The following NOSTRIN variants were observed in gnomAD, a reference collection of about 807,000 sequenced individuals.
NOSTRIN encodes nitric oxide synthase trafficking.
Under a neutral mutation model 59.0 loss-of-function variants are expected in NOSTRIN, and 63 were observed. That is an observed-to-expected ratio of 1.07 (90% CI 0.87 to 1.32). The LOEUF is 1.32. NOSTRIN is among the 40% of genes most tolerant of loss of function. NOSTRIN has a pLI of 0.00. For synonymous variants in NOSTRIN, 200 were observed against 165.4 expected (o/e 1.21, Z -1.61); for missense variants, 512 against 473.1 (o/e 1.08, Z -0.76).
At chr2:168,786,817 C>G (rs1685213906) in intron 1 of NOSTRIN, 2 of 152,134 alleles carry the variant, frequency 1.3e-5, no homozygotes, top group Admixed American at 1.3e-4. Flanking sequence ...CTTATTTTTC[C>G]TCGGTCAAAT....
chr2:168,808,758 C>G (rs1008531292), intron 1 of NOSTRIN, among the ~76,000 whole-genome samples: 2 of 152,080 alleles, frequency 1.3e-5, no homozygotes, highest in Non-Finnish European at 2.9e-5. Flanking sequence ...AGTCTAAACA[C>G]CATTAAAAAG....
At chr2:168,851,249 A>C in intron 9 of NOSTRIN, 30 bp from the exon 10 acceptor site, 1 of 1,613,618 alleles carries the variant, frequency 6.2e-7, no homozygotes, top group South Asian at 1.1e-5. Context: ...TTTCTTCGAC[A>C]ACCTTATTCT....
At chr2:168,837,888 C>CT (rs1335542670) in intron 7 of NOSTRIN, among the ~76,000 whole-genome samples, 1 of 152,120 alleles carries the variant, frequency 6.6e-6, no homozygotes, top group Middle Eastern at 3.2e-3. Context: ...TTTCCTCCTA[C>CT]TTTCTGTAAA....
intron 14 of NOSTRIN, among the ~76,000 whole-genome samples, 186 bp downstream of exon 14, chr2:168,861,095 A>G (rs1403916755): frequency 6.6e-6 from 1 of 152,234 alleles, no homozygotes; most frequent in Non-Finnish European, 1.5e-5. Flanking sequence ...TAAGAAGAGT[A>G]GAGGGTTGGG....
intron 15 of NOSTRIN, chr2:168,863,521 G>A (rs1392687249): frequency 9.1e-6 from 9 of 985,320 alleles, no homozygotes; most frequent in Non-Finnish European, 1.1e-5. Context: ...CAAGAGCCAT[G>A]TTTCTTGTCC....
At chr2:168,838,365 A>G (rs543293856) in intron 7 of NOSTRIN, among the ~76,000 whole-genome samples, 1 of 152,244 alleles carries the variant, frequency 6.6e-6, no homozygotes, top group East Asian at 1.9e-4. Flanking sequence ...TCAGCCTCCC[A>G]AGTAGCTGGG....
chr2:168,839,619 T>C (rs577792413), intron 7 of NOSTRIN, among the ~76,000 whole-genome samples: 3 of 152,082 alleles, frequency 2.0e-5, no homozygotes, highest in Non-Finnish European at 4.4e-5. Flanking sequence ...TAAGTAAGAA[T>C]ACAGGAGTCT....
intron 2 of NOSTRIN, among the ~76,000 whole-genome samples, chr2:168,788,556 G>A (rs1314985034): frequency 6.6e-6 from 1 of 152,126 alleles, no homozygotes; most frequent in Non-Finnish European, 1.5e-5. Flanking sequence ...CAAAGCCCAA[G>A]CAGGGTGATG....
chr2:168,804,117 A>G (rs992246431), intron 1 of NOSTRIN, among the ~76,000 whole-genome samples: 3 of 152,212 alleles, frequency 2.0e-5, no homozygotes, highest in Non-Finnish European at 4.4e-5. Context: ...TAAATCCATA[A>G]AAAAGAAACT....
chr2:168,857,563 G>T (rs1020259352), intron 12 of NOSTRIN, among the ~76,000 whole-genome samples: 1 of 152,194 alleles, frequency 6.6e-6, no homozygotes, highest in African/African-American at 2.4e-5. Flanking sequence ...GGACATTTTG[G>T]CCACTTCAGA....
In NOSTRIN at chr2:168,826,915, C is replaced by T. The variant is rs76811860; in HGVS notation, c.198-1243C>T. Among the ~76,000 whole-genome samples, 1,098 of 152,194 alleles carry T rather than the reference C, an allele frequency of 7.2e-3. 51 individuals carry two copies. In the East Asian group the frequency reaches 0.11, roughly 15 times the overall value. The stretch of plus-strand genomic sequence containing the variant: ...CCAACTCCAAGCAACCACTGACCTG[C>T]TTCCTGTCAATAGAGATTCATTTAG... On this transcript the variant is annotated intron_variant, in intron 3 of 15. Coordinates refer to ENST00000317647, the MANE Select transcript of NOSTRIN (RefSeq NM_001039724.4).
At chr2:168,859,735 T>C in intron 13 of NOSTRIN, 98 bp downstream of exon 13, 1 of 1,431,042 alleles carries the variant, frequency 7.0e-7, no homozygotes, top group Non-Finnish European at 9.4e-7. Context: ...AGGAATTCTA[T>C]GTGATATTAA....
chr2:168,817,978 T>C (rs1176649194), intron 2 of NOSTRIN, among the ~76,000 whole-genome samples: 2 of 152,170 alleles, frequency 1.3e-5, no homozygotes, highest in African/African-American at 2.4e-5. Flanking sequence ...ATAGAAAATA[T>C]CAGCACATCC....
chr2:168,834,585 G>C (rs1416802995), intron 7 of NOSTRIN, among the ~76,000 whole-genome samples: 1 of 147,504 alleles, frequency 6.8e-6, no homozygotes, highest in East Asian at 2.0e-4. Flanking sequence ...TAAATAGAAG[G>C]GATCTCACTG....
intron 11 of NOSTRIN, chr2:168,856,068 C>A: frequency 4.4e-6 from 1 of 224,870 alleles, no homozygotes; most frequent in South Asian, 5.1e-5. Flanking sequence ...AATACCATAA[C>A]GAGGAAGAAG....
chr2:168,811,507 T>G, intron 1 of NOSTRIN, 60 bp from the exon 2 acceptor site: 1 of 652,286 alleles, frequency 1.5e-6, no homozygotes, highest in Non-Finnish European at 2.7e-6. Context: ...GTGCTCTATC[T>G]TCGGAGTTGC....
intron 8 of NOSTRIN, among the ~76,000 whole-genome samples, chr2:168,845,743 A>G (rs1220225874): frequency 6.6e-6 from 1 of 151,422 alleles, no homozygotes; most frequent in Non-Finnish European, 1.5e-5. Flanking sequence ...GCATCTTTCA[A>G]CTTCAGCTCT....
chr2:168,805,657 C>T (rs138612061), intron 1 of NOSTRIN, among the ~76,000 whole-genome samples: 26 of 152,236 alleles, frequency 1.7e-4, no homozygotes, highest in African/African-American at 2.6e-4. Flanking sequence ...GTCTTCTGGG[C>T]GCCACACAGT....
At chr2:168,840,540 A>AAC (rs1553529569) in intron 7 of NOSTRIN, among the ~76,000 whole-genome samples, 1 of 131,008 alleles carries the variant, frequency 7.6e-6, no homozygotes, top group African/African-American at 3.1e-5. Flanking sequence ...AAAAAAAAAA[A>AAC]AAAAAAAAAA....
Sources: gnomAD v4.1 joint callset for allele counts (sites outside exome capture counted in the v4.1 genomes callset) on GRCh38, gnomAD v4.1.1 for gene constraint, MANE v1.5 for transcripts, NCBI Gene and HGNC (gene_info 2026-07-23, HGNC 2026-07-21) for gene names.